Variants in NEGR1 observed in about 807,000 individuals in gnomAD.
NEGR1 encodes IgLON family member 4.
In NEGR1, 10 loss-of-function variants were observed where a neutral mutation model predicts 40.9. That is an observed-to-expected ratio of 0.24 (90% CI 0.15 to 0.42). The LOEUF is 0.42. Among genes scored for constraint, NEGR1 ranks in the 10% least tolerant of loss-of-function variants. The pLI is 1.00. For synonymous variants in NEGR1, 185 were observed against 166.8 expected, an observed-to-expected ratio of 1.11 and a Z score of -0.84; for missense variants, 352 against 438.9, an observed-to-expected ratio of 0.80 and a Z score of 1.77.
intron 1 of NEGR1, among the ~76,000 whole-genome samples, chr1:72,223,657 T>C (rs1418503355): frequency 1.3e-5 from 2 of 152,132 alleles, no homozygotes; most frequent in Non-Finnish European, 2.9e-5. Flanking sequence ...AAATAGCAAG[T>C]GATGCTATTT....
intron 2 of NEGR1, among the ~76,000 whole-genome samples, chr1:71,786,972 G>C (rs1390206955): frequency 6.6e-6 from 1 of 152,226 alleles, no homozygotes; most frequent in Non-Finnish European, 1.5e-5. Context: ...ATGCTGGAGA[G>C]AACATGTGGA....
At chr1:72,137,763 A>G (rs555197383) in intron 1 of NEGR1, among the ~76,000 whole-genome samples, 1 of 152,162 alleles carries the variant, frequency 6.6e-6, no homozygotes, top group Non-Finnish European at 1.5e-5. Flanking sequence ...GTACATTATA[A>G]ACATATTTCT....
intron 1 of NEGR1, among the ~76,000 whole-genome samples, chr1:72,088,837 C>G (rs533812080): frequency 1.9e-3 from 208 of 112,428 alleles, no homozygotes; most frequent in African/African-American, 6.5e-3. Flanking sequence ...ACGGAATGGA[C>G]TCTCACTCTG....
chr1:72,019,896 A>G (rs1281729959), intron 1 of NEGR1, among the ~76,000 whole-genome samples: 3 of 152,208 alleles, frequency 2.0e-5, no homozygotes, highest in African/African-American at 7.2e-5. Context: ...GCATTTATGG[A>G]GCGCTTATGT....
intron 1 of NEGR1, among the ~76,000 whole-genome samples, chr1:71,985,723 G>A (rs79561965): frequency 0.052 from 7,962 of 152,136 alleles, 676 homozygotes; most frequent in African/African-American, 0.18. Flanking sequence ...CAGATAAGAA[G>A]TAAAAGTACT....
intron 2 of NEGR1, among the ~76,000 whole-genome samples, chr1:71,832,356 A>G (rs765567820): frequency 2.6e-5 from 4 of 151,996 alleles, no homozygotes; most frequent in African/African-American, 7.2e-5. Flanking sequence ...AGCTGAAAGG[A>G]AGGTTGTCTC....
chr1:71,469,370 T>G (rs757787648), intron 6 of NEGR1, among the ~76,000 whole-genome samples: 1 of 152,080 alleles, frequency 6.6e-6, no homozygotes, highest in Non-Finnish European at 1.5e-5. Flanking sequence ...AGGATCACAT[T>G]GTAAACTATT....
At chr1:71,797,035 A>G (rs1657356381) in intron 2 of NEGR1, among the ~76,000 whole-genome samples, 1 of 152,184 alleles carries the variant, frequency 6.6e-6, no homozygotes, top group Non-Finnish European at 1.5e-5. Flanking sequence ...GATTTGTATC[A>G]TTAAAGAGGA....
chr1:72,198,596 T>G (rs1653084326), intron 1 of NEGR1, among the ~76,000 whole-genome samples: 1 of 152,102 alleles, frequency 6.6e-6, no homozygotes, highest in South Asian at 2.1e-4. Flanking sequence ...CTGAATTTGA[T>G]TGTCCTGATA....
chr1:72,005,429 C>T (rs925845694), intron 1 of NEGR1, among the ~76,000 whole-genome samples: 3 of 152,024 alleles, frequency 2.0e-5, no homozygotes, highest in Non-Finnish European at 4.4e-5. Context: ...GAAATGACTT[C>T]CATCTATATA....
intron 6 of NEGR1, among the ~76,000 whole-genome samples, chr1:71,583,738 A>G (rs951011672): frequency 1.3e-5 from 2 of 152,192 alleles, no homozygotes; most frequent in African/African-American, 4.8e-5. Flanking sequence ...TTAGGAAAAC[A>G]TATATGTTGT....
intron 1 of NEGR1, among the ~76,000 whole-genome samples, chr1:72,083,279 T>TC (rs1648077404): frequency 6.6e-6 from 1 of 151,846 alleles, no homozygotes; most frequent in African/African-American, 2.4e-5. Context: ...CCTCCTTCCC[T>TC]CCCTCCCTCG....
intron 1 of NEGR1, among the ~76,000 whole-genome samples, chr1:72,138,256 A>G (rs1170816869): frequency 6.6e-6 from 1 of 152,100 alleles, no homozygotes; most frequent in African/African-American, 2.4e-5. Context: ...TTAAAATGTA[A>G]CAATAAAAAA....
intron 6 of NEGR1, among the ~76,000 whole-genome samples, chr1:71,558,722 C>CTTTTTTTTT (rs34141206): frequency 3.0e-5 from 4 of 134,298 alleles, no homozygotes; most frequent in African/African-American, 5.7e-5. Flanking sequence ...TCTTTTCTTT[C>CTTTTTTTTT]TTTTTTTTTT....
chr1:71,541,842 T>C (rs1188393291), intron 6 of NEGR1, among the ~76,000 whole-genome samples: 1 of 151,756 alleles, frequency 6.6e-6, no homozygotes, highest in East Asian at 2.0e-4. Flanking sequence ...CCATGAAGGG[T>C]GACCAGGGAG....
At chr1:71,859,042 G>GTTTA (rs1659864660) in intron 2 of NEGR1, among the ~76,000 whole-genome samples, 1 of 152,014 alleles carries the variant, frequency 6.6e-6, no homozygotes, top group African/African-American at 2.4e-5. Flanking sequence ...AGAAAATCCT[G>GTTTA]TTAAATCATA....
Position 71,592,834 on chromosome 1 carries a change from G to T in NEGR1, c.923C>A (p.Ala308Glu), listed in dbSNP as rs372023233. 1 of 1,612,592 alleles carries T rather than the reference G, an allele frequency of 6.2e-7. No individual in the cohort carries two copies. The highest frequency in any genetic ancestry group is 2.2e-5 in the East Asian group (1 of 44,868). The change falls in exon 6 of 7, where the codon GCG becomes GAG. Residue 308 changes from alanine to glutamate, a missense_variant. By Grantham distance (107) the Ala-to-Glu change is moderately radical (BLOSUM62 -1). Around this residue, in one of 5 missense-constraint regions of NEGR1, gnomAD observed 184 missense variants for 208.7 expected, o/e 0.88. Coordinates refer to ENST00000357731, the MANE Select transcript of NEGR1 (RefSeq NM_173808.3). ...VAANKLGTTN[A>E]SLPLNPPSTA... ...TTACTTACGGTTAAGAGGCAGGCTCGCATTGGTTGTGCCTAGCTTGTTGGC... is the reference window on the plus strand; with the variant it reads ...TTACTTACGGTTAAGAGGCAGGCTCTCATTGGTTGTGCCTAGCTTGTTGGC...
At chr1:71,767,333 T>C (rs1255642260) in intron 3 of NEGR1, among the ~76,000 whole-genome samples, 1 of 152,030 alleles carries the variant, frequency 6.6e-6, no homozygotes, top group African/African-American at 2.4e-5. Flanking sequence ...GGAACTAGAG[T>C]AAAGGTCACT....
intron 1 of NEGR1, among the ~76,000 whole-genome samples, chr1:72,075,221 T>C (rs898909845): frequency 7.2e-5 from 11 of 152,180 alleles, no homozygotes; most frequent in African/African-American, 2.7e-4. Flanking sequence ...AATTAAAGTT[T>C]TGAAAATATA....
Sources: gnomAD v4.1 joint callset for allele counts (sites outside exome capture counted in the v4.1 genomes callset) on GRCh38, gnomAD v4.1.1 for gene constraint, gnomAD v4.1.1 regional missense constraint, MANE v1.5 for transcripts, NCBI Gene and HGNC (gene_info 2026-07-23, HGNC 2026-07-21) for gene names.